SPOCK3: variants seen among roughly 807,000 people sequenced by gnomAD.
SPOCK3 encodes SPARC (osteonectin), cwcv and kazal like domains proteoglycan 3, also known as testican-3.
Under a neutral mutation model 56.6 loss-of-function variants are expected in SPOCK3, and 30 were observed. The observed-to-expected ratio is 0.53, with a 90% CI of 0.40 to 0.72. The LOEUF (loss-of-function observed/expected upper bound fraction) is 0.72, where lower values mean the gene tolerates loss of function less well. SPOCK3 is among the 30% of genes least tolerant of loss of function. SPOCK3 has a pLI of 0.00. For synonymous variants in SPOCK3, 196 were observed against 183.3 expected (o/e 1.07, Z -0.56); for missense variants, 527 against 530.0 (o/e 0.99, Z 0.06).
At chr4:166,937,608 G>A (rs1740567714) in intron 4 of SPOCK3, among the ~76,000 whole-genome samples, 1 of 149,002 alleles carries the variant, frequency 6.7e-6, no homozygotes, top group Non-Finnish European at 1.5e-5. Flanking sequence ...AGTTGTTCCA[G>A]TTGAGCTAAA....
intron 5 of SPOCK3, among the ~76,000 whole-genome samples, chr4:166,911,038 C>T (rs75800860): frequency 0.012 from 1,785 of 152,220 alleles, 23 homozygotes; most frequent in East Asian, 0.061. Flanking sequence ...TTCACTCTCC[C>T]TTGTACTGGC....
At chr4:166,974,622 T>C (rs1027645791) in intron 4 of SPOCK3, among the ~76,000 whole-genome samples, 7 of 152,178 alleles carry the variant, frequency 4.6e-5, no homozygotes, top group Admixed American at 4.6e-4. Context: ...CTAATTTCTC[T>C]CCTACCAAGT....
intron 2 of SPOCK3, among the ~76,000 whole-genome samples, chr4:167,147,574 T>C (rs970697743): frequency 4.9e-4 from 75 of 152,132 alleles, no homozygotes; most frequent in African/African-American, 1.8e-3. Context: ...TGCCCATCAA[T>C]GATAAACTGG....
intron 2 of SPOCK3, among the ~76,000 whole-genome samples, chr4:167,117,893 T>C (rs922945403): frequency 6.6e-6 from 1 of 152,158 alleles, no homozygotes; most frequent in African/African-American, 2.4e-5. Flanking sequence ...GACTGTGCCA[T>C]GAAACCCAGC....
chr4:166,826,060 A>C (rs894748349), intron 6 of SPOCK3, among the ~76,000 whole-genome samples: 1 of 152,114 alleles, frequency 6.6e-6, no homozygotes, highest in African/African-American at 2.4e-5. Context: ...GAAAGACAGT[A>C]ATATAGTAGA....
At chr4:167,080,468 G>C (rs1757606614) in intron 2 of SPOCK3, among the ~76,000 whole-genome samples, 1 of 151,922 alleles carries the variant, frequency 6.6e-6, no homozygotes, top group Non-Finnish European at 1.5e-5. Flanking sequence ...CTTATTAACG[G>C]GAATGAGCCT....
intron 3 of SPOCK3, among the ~76,000 whole-genome samples, chr4:167,022,242 G>A (rs1265480652): frequency 2.0e-5 from 3 of 152,024 alleles, no homozygotes; most frequent in African/African-American, 7.2e-5. Flanking sequence ...CCAAGACCCA[G>A]TAGGAGAATA....
chr4:167,054,122 G>A (rs1018759177), intron 3 of SPOCK3, among the ~76,000 whole-genome samples: 9 of 152,024 alleles, frequency 5.9e-5, no homozygotes, highest in East Asian at 1.9e-4. Context: ...GATATTTATC[G>A]TGTGCTGGAG....
intron 2 of SPOCK3, among the ~76,000 whole-genome samples, chr4:167,174,270 A>T (rs1205231081): frequency 6.6e-6 from 1 of 152,092 alleles, no homozygotes; most frequent in African/African-American, 2.4e-5. Context: ...AAAAATTTTT[A>T]AAATCATACT....
intron 3 of SPOCK3, among the ~76,000 whole-genome samples, chr4:167,002,352 C>T (rs919535071): frequency 6.6e-6 from 1 of 152,004 alleles, no homozygotes; most frequent in Admixed American, 6.6e-5. Flanking sequence ...CTGCAAAACT[C>T]TTGTTAGAGA....
intron 8 of SPOCK3, among the ~76,000 whole-genome samples, chr4:166,744,983 C>T (rs1393715954): frequency 6.6e-6 from 1 of 152,034 alleles, no homozygotes; most frequent in Non-Finnish European, 1.5e-5. Flanking sequence ...AAATATGGGA[C>T]TATGTGAAGA....
intron 4 of SPOCK3, among the ~76,000 whole-genome samples, chr4:166,945,955 G>A (rs1395555227): frequency 2.0e-5 from 3 of 152,120 alleles, no homozygotes; most frequent in Non-Finnish European, 4.4e-5. Context: ...AGTAAAAGAG[G>A]AAGAACCTCC....
chr4:167,117,049 T>C (rs1761488585), intron 2 of SPOCK3, among the ~76,000 whole-genome samples: 1 of 150,758 alleles, frequency 6.6e-6, no homozygotes, highest in African/African-American at 2.4e-5. Context: ...CCTTCAACAC[T>C]GGGGCCATGG....
chr4:167,151,435 CTTTTTTTTTT>C (rs5863862), intron 2 of SPOCK3, among the ~76,000 whole-genome samples: 2 of 95,648 alleles, frequency 2.1e-5, no homozygotes, highest in African/African-American at 3.9e-5. Context: ...CCTTTTTTTT[CTTTTTTTTTT>C]TTTTTTTGAG....
chr4:166,772,966 T>C (rs1023660470), intron 7 of SPOCK3, among the ~76,000 whole-genome samples: 2 of 152,094 alleles, frequency 1.3e-5, no homozygotes, highest in African/African-American at 2.4e-5. Flanking sequence ...TTTTTTATTT[T>C]TGTGTTTTGT....
chr4:166,765,877 C>T (rs1037154645), intron 7 of SPOCK3, among the ~76,000 whole-genome samples: 29 of 152,194 alleles, frequency 1.9e-4, no homozygotes, highest in African/African-American at 7.0e-4. Context: ...CAGTGGTTTG[C>T]TGTTCTCCTT....
At chr4:166,879,508 A>C (rs1733470971) in intron 6 of SPOCK3, among the ~76,000 whole-genome samples, 1 of 152,192 alleles carries the variant, frequency 6.6e-6, no homozygotes. Context: ...TTGTCTCTAA[A>C]AAAAAGTGTA....
intron 4 of SPOCK3, among the ~76,000 whole-genome samples, chr4:166,995,618 C>G (rs1461579678): frequency 6.6e-6 from 1 of 151,892 alleles, no homozygotes; most frequent in Non-Finnish European, 1.5e-5. Flanking sequence ...AATTATGCTT[C>G]TATAGAACTA....
At chr4:166,812,598 G>A (rs1003512808) in intron 6 of SPOCK3, among the ~76,000 whole-genome samples, 18 of 151,754 alleles carry the variant, frequency 1.2e-4, no homozygotes, top group Non-Finnish European at 2.4e-4. Flanking sequence ...AATGATATTG[G>A]ATAACTTTTT....
Sources: gnomAD v4.1 joint callset for allele counts (sites outside exome capture counted in the v4.1 genomes callset) on GRCh38, gnomAD v4.1.1 for gene constraint, MANE v1.5 for transcripts, NCBI Gene and HGNC (gene_info 2026-07-23, HGNC 2026-07-21) for gene names.